RUNX2: variants seen among roughly 807,000 people sequenced by gnomAD.
The protein encoded by RUNX2 is RUNX family transcription factor 2, also known as runt-related transcription factor 2.
Under a neutral mutation model 51.7 loss-of-function variants are expected in RUNX2, and 10 were observed. The ratio of observed to expected loss-of-function variants is 0.19; its 90% confidence interval spans 0.12 to 0.33. The LOEUF (loss-of-function observed/expected upper bound fraction) is 0.33. Ranked by LOEUF, RUNX2 falls within the 10% of genes least tolerant of loss-of-function variation. RUNX2 has a pLI of 1.00. For missense variants in RUNX2, 562 were observed against 691.3 expected, an observed-to-expected ratio of 0.81 and a Z score of 2.10; for synonymous variants, 276 against 273.6, an observed-to-expected ratio of 1.01 and a Z score of -0.09.
chr6:45,357,884 A>C lies in RUNX2; in HGVS notation c.58+29100A>C, dbSNP rs73735387. Among the ~76,000 whole-genome samples, 595 of 152,286 alleles carry C rather than the reference A, an allele frequency of 3.9e-3. 7 individuals carry two copies. Among genetic ancestry groups the C allele is most frequent in the African/African-American group, 0.014 (567 of 41,564 alleles). On this transcript the variant is annotated intron_variant, in intron 2 of 8. Transcript: ENST00000647337. The stretch of plus-strand genomic sequence containing the variant: ...GCTACAGTCATAGGATTTTTCAGAA[A>C]GACTAAGAGTATATATATATATAAA...
At chr6:45,466,363 C>G (rs976306268) in intron 5 of RUNX2, among the ~76,000 whole-genome samples, 1 of 151,738 alleles carries the variant, frequency 6.6e-6, no homozygotes, top group South Asian at 2.1e-4. Flanking sequence ...AAAGTATTTA[C>G]GATAACCCTC....
At chr6:45,399,552 G>T (rs1396519249) in intron 2 of RUNX2, among the ~76,000 whole-genome samples, 1 of 151,474 alleles carries the variant, frequency 6.6e-6, no homozygotes, top group Non-Finnish European at 1.5e-5. Flanking sequence ...TAGAGACGGG[G>T]TTTCACCATG....
chr6:45,540,804 A>C (rs1802200163), intron 7 of RUNX2, among the ~76,000 whole-genome samples: 1 of 151,186 alleles, frequency 6.6e-6, no homozygotes, highest in East Asian at 2.0e-4. Context: ...GTGTGGATCT[A>C]CACCCAGATA....
chr6:45,437,864 C>G (rs905375922), intron 4 of RUNX2, 83 bp from the exon 5 acceptor site: 29 of 1,010,796 alleles, frequency 2.9e-5, no homozygotes, highest in Non-Finnish European at 9.4e-6. Context: ...TGCTTAAATG[C>G]AATTTGGAAA....
At chr6:45,336,248 G>A (rs1259103872) in intron 2 of RUNX2, among the ~76,000 whole-genome samples, 4 of 151,346 alleles carry the variant, frequency 2.6e-5, no homozygotes, top group African/African-American at 9.7e-5. Context: ...GCTAGATAAG[G>A]ACAATGAGTA....
chr6:45,367,834 CAGTCA>C (rs1795404957), intron 2 of RUNX2, among the ~76,000 whole-genome samples: 1 of 152,158 alleles, frequency 6.6e-6, no homozygotes, highest in Non-Finnish European at 1.5e-5. Flanking sequence ...CATCCTTTCA[CAGTCA>C]AGTCAATTTT....
At chr6:45,399,399 A>G (rs1463722502) in intron 2 of RUNX2, among the ~76,000 whole-genome samples, 6 of 108,794 alleles carry the variant, frequency 5.5e-5, no homozygotes, top group African/African-American at 1.8e-4. Flanking sequence ...TCGCTCTGTC[A>G]CCCAGGCTGG....
At chr6:45,409,081 A>G (rs1258496066) in intron 2 of RUNX2, among the ~76,000 whole-genome samples, 1 of 152,166 alleles carries the variant, frequency 6.6e-6, no homozygotes, top group African/African-American at 2.4e-5. Context: ...TTTTATATTT[A>G]GTTTCATTCA....
At chr6:45,366,633 C>T (rs1456987753) in intron 2 of RUNX2, among the ~76,000 whole-genome samples, 1 of 151,996 alleles carries the variant, frequency 6.6e-6, no homozygotes, top group Non-Finnish European at 1.5e-5. Context: ...GTTTTTAAAA[C>T]TTAAACATTT....
At position 45,411,045 on chromosome 6, in the gene RUNX2, G is replaced by C. The variant is rs952286763; in HGVS notation, c.59-11548G>C. 4.6e-5 allele frequency among the ~76,000 whole-genome samples: 7 copies of C among 152,280 alleles called. No homozygotes were observed. In the East Asian group the frequency reaches 1.2e-3, roughly 25 times the overall value. ...CCTGTTGCTCTGTTCCTGGAAGGGA[G>C]TTCAAAGGGAAGAGACCAAGTCTCC... On this transcript the variant is annotated intron_variant, in intron 2 of 8. Transcript: ENST00000647337.
At chr6:45,518,412 T>C (rs1295104980) in intron 7 of RUNX2, among the ~76,000 whole-genome samples, 2 of 152,182 alleles carry the variant, frequency 1.3e-5, no homozygotes, top group African/African-American at 4.8e-5. Context: ...TCTTTTGACA[T>C]AGCAGATGGT....
At chr6:45,339,744 A>C (rs1025169953) in intron 2 of RUNX2, among the ~76,000 whole-genome samples, 3 of 152,180 alleles carry the variant, frequency 2.0e-5, no homozygotes, top group East Asian at 3.8e-4. Flanking sequence ...GTTGTTTTAA[A>C]TTATTTAAAA....
intron 2 of RUNX2, among the ~76,000 whole-genome samples, chr6:45,336,317 A>G (rs1009928647): frequency 4.0e-5 from 6 of 151,596 alleles, no homozygotes; most frequent in East Asian, 3.9e-4. Flanking sequence ...TCCCTCCCTT[A>G]TAACACGCAT....
At chr6:45,415,157 A>T (rs893855856) in intron 2 of RUNX2, among the ~76,000 whole-genome samples, 1 of 152,202 alleles carries the variant, frequency 6.6e-6, no homozygotes, top group Non-Finnish European at 1.5e-5. Flanking sequence ...TTAGCATATC[A>T]GTCTAAGTCC....
rs564945313 is a variant in RUNX2, at chr6:45,460,552, G to A, written c.685+22501G>A. Among the ~76,000 whole-genome samples the A allele has an allele frequency of 1.4e-4, 21 of 152,292 alleles. No homozygotes were observed. In the East Asian group the frequency reaches 1.5e-3, roughly 11 times the overall value. ...GGAGCAGGGAAATGGGGCAGTAACCGGAAGGGGATATGGCATAATGGAGCT... is the reference window on the plus strand; with the variant it reads ...GGAGCAGGGAAATGGGGCAGTAACCAGAAGGGGATATGGCATAATGGAGCT... On this transcript the variant is annotated intron_variant, in intron 5 of 8. Transcript: ENST00000647337.
chr6:45,424,186 A>C (rs1342999816), intron 3 of RUNX2, among the ~76,000 whole-genome samples: 1 of 152,086 alleles, frequency 6.6e-6, no homozygotes, highest in Admixed American at 6.5e-5. Context: ...AGTCGCAGGC[A>C]GGTGCTCCGC....
chr6:45,375,001 G>A (rs190659282), intron 2 of RUNX2, among the ~76,000 whole-genome samples: 167 of 152,292 alleles, frequency 1.1e-3, no homozygotes, highest in African/African-American at 3.6e-3. Flanking sequence ...GAGATCAAGA[G>A]TTCAAAACCA....
chr6:45,522,189 G>T (rs528539227), intron 7 of RUNX2, among the ~76,000 whole-genome samples: 1 of 152,252 alleles, frequency 6.6e-6, no homozygotes, highest in Admixed American at 6.5e-5. Context: ...CTTAAAATGT[G>T]CTTATGCAGG....
At chr6:45,522,738 T>C (rs1801545625) in intron 7 of RUNX2, among the ~76,000 whole-genome samples, 1 of 152,206 alleles carries the variant, frequency 6.6e-6, no homozygotes. Flanking sequence ...ACTCCGATGC[T>C]CAGCATGCAT....
Sources: gnomAD v4.1 joint callset for allele counts (sites outside exome capture counted in the v4.1 genomes callset) on GRCh38, gnomAD v4.1.1 for gene constraint, MANE v1.5 for transcripts, NCBI Gene and HGNC (gene_info 2026-07-23, HGNC 2026-07-21) for gene names.